The following KCNH3 variants were observed in gnomAD, a reference collection of about 807,000 sequenced individuals.
KCNH3 encodes potassium voltage-gated channel subfamily H member 3.
KCNH3 carries 36 observed loss-of-function variants against 95.6 expected under a neutral mutation model. That is an observed-to-expected ratio of 0.38 (90% CI 0.29 to 0.50). The LOEUF (loss-of-function observed/expected upper bound fraction) is 0.50, where lower values mean the gene tolerates loss of function less well. KCNH3 is among the 20% of genes least tolerant of loss of function. The pLI, the probability that KCNH3 is intolerant of heterozygous loss-of-function variation, is 0.95. For missense variants in KCNH3, 1,030 were observed against 1,484.1 expected, an observed-to-expected ratio of 0.69 and a Z score of 5.03; for synonymous variants, 620 against 646.3, an observed-to-expected ratio of 0.96 and a Z score of 0.62.
At position 49,544,015 on chromosome 12, in the gene KCNH3, G is replaced by A. The variant is rs1000470759; in HGVS notation, c.924G>A (p.Leu308=). Reference sequence around the variant, plus strand: ...TCCACTACGTCACCACCTGGTTCCTGCTGGATGTCATCGCAGCGCTGCCCT... The same window carrying A: ...TCCACTACGTCACCACCTGGTTCCTACTGGATGTCATCGCAGCGCTGCCCT... ...ICLHYVTTWF[L]LDVIAALPFD... The change falls in exon 6 of 15, where the codon CTG becomes CTA. Residue 308 remains leucine, a synonymous_variant. Coordinates refer to ENST00000257981, the MANE Select transcript of KCNH3 (RefSeq NM_012284.3). 3.1e-6 allele frequency: 5 copies of A among 1,613,830 alleles called. No individual in the cohort carries two copies. The highest frequency in any genetic ancestry group is 1.7e-5 in the Admixed American group (1 of 60,012).
At position 49,556,899 on chromosome 12, in the gene KCNH3, G is replaced by A. The variant is rs1715956228; in HGVS notation, c.2576-284G>A. ...AGTGGACAAGGTAATGAGCTCCTAGGAATGTCCATTTGCCTGGAGGACAGA... is the reference window on the plus strand; with the variant it reads ...AGTGGACAAGGTAATGAGCTCCTAGAAATGTCCATTTGCCTGGAGGACAGA... On this transcript the variant is annotated intron_variant, in intron 13 of 14. Coordinates refer to ENST00000257981, the MANE Select transcript of KCNH3 (RefSeq NM_012284.3). The A allele has an allele frequency of 2.1e-5, 13 of 611,998 alleles. No homozygotes were observed. The South Asian group carries it at 2.4e-4, about 11-fold the overall frequency. 37.9% of individuals were successfully genotyped at this position (611,998 alleles called of 1,614,324 possible).
chr12:49,553,714 A>T (rs7963130), intron 10 of KCNH3, among the ~76,000 whole-genome samples: 10,062 of 152,190 alleles, frequency 0.066, 729 homozygotes, highest in African/African-American at 0.18. Flanking sequence ...ACCTCCATTG[A>T]CCCCTTCTGG....
rs1938216489 is a variant in KCNH3, at chr12:49,550,283, T to C, written c.1872T>C (p.Ser624=). The C allele has an allele frequency of 6.2e-7, 1 of 1,609,798 alleles. No homozygotes were observed. The highest frequency in any genetic ancestry group is 1.7e-5 in the Admixed American group (1 of 60,022). ...TGCAGGCCCTCTACTTTGTCTGCTC[T>C]GGCTCCATGGAGGTGCTCAAGGGTG... ...DALQALYFVC[S]GSMEVLKGGT... The change falls in exon 10 of 15, where the codon TCT becomes TCC. Residue 624 remains serine (S), a synonymous_variant. Coordinates refer to ENST00000257981, the MANE Select transcript of KCNH3 (RefSeq NM_012284.3).
intron 8 of KCNH3, 114 bp downstream of exon 8, chr12:49,549,287 C>G: frequency 2.7e-6 from 4 of 1,460,658 alleles, no homozygotes; most frequent in African/African-American, 1.4e-5. Context: ...TTTAGGTGGC[C>G]GCGGAACCCG....
Position 49,555,972 on chromosome 12 carries a change from C to A in KCNH3, c.2468+21C>A, listed in dbSNP as rs371396234. 1.5e-4 allele frequency: 181 copies of A among 1,211,892 alleles called. No individual in the cohort carries two copies. In the African/African-American group the frequency reaches 2.3e-3, roughly 16 times the overall value. The allele number at this position is 1,211,892 out of a possible 1,614,324, so 75.1% of individuals were successfully genotyped here. A position where few individuals can be genotyped will look rare whatever the true frequency, so the allele number is the denominator to read the frequency against. On this transcript the variant is annotated intron_variant, in intron 12 of 14. Coordinates refer to ENST00000257981, the MANE Select transcript of KCNH3 (RefSeq NM_012284.3). The stretch of plus-strand genomic sequence containing the variant: ...CCCAGGTGAGCAGACCCTAGGCCCC[C>A]GTGGCAGAGATGGTGGTGATGAGGC...
rs757979756 is a variant in KCNH3, at chr12:49,555,648, A to G, written c.2165A>G (p.Asn722Ser). The G allele has an allele frequency of 6.4e-7, 1 of 1,568,344 alleles. No individual in the cohort carries two copies. ...GACACCAGCTCCCTGAGCGGCGACA[A>G]TACCCTTATGTCCACGCTGGAGGAG... ...EVDTSSLSGDNTLMSTLEEKE... is the reference protein window; with the variant it reads ...EVDTSSLSGDSTLMSTLEEKE... The change falls in exon 12 of 15, where the codon AAT (asparagine) becomes AGT (serine). Residue 722 changes from asparagine (N) to serine (S), a missense_variant. Coordinates refer to ENST00000257981, the MANE Select transcript of KCNH3 (RefSeq NM_012284.3).
In KCNH3 at chr12:49,549,423, C is replaced by T. The variant is rs1242032183; in HGVS notation, c.1469-18C>T. 6.2e-7 allele frequency: 1 copy of T among 1,612,102 alleles called. No individual in the cohort carries two copies. Among genetic ancestry groups the T allele is most frequent in the Non-Finnish European group, 8.5e-7 (1 of 1,179,024 alleles). On this transcript the variant is annotated intron_variant, in intron 8 of 14. Transcript: ENST00000257981. ...GGCCAGGTCCCCTAGGTGACCCCCT[C>T]TCGTCACCCTCCCCCAGCCCTGATG...
rs756703086 is a variant in KCNH3, at chr12:49,555,604, C to T, written c.2137-16C>T. 6 of 1,491,404 alleles carry T rather than the reference C, an allele frequency of 4.0e-6. No individual in the cohort carries two copies. The East Asian group carries it at 1.4e-4, about 34-fold the overall frequency. The allele number at this position is 1,491,404 out of a possible 1,614,324, so 92.4% of individuals were successfully genotyped here. A position where few individuals can be genotyped will look rare whatever the true frequency, so the allele number is the denominator to read the frequency against. ...GTGACCATCCATGCCGATTCCCTGTCCCTCACTATCCCTAGGTGGACACCA... is the reference window on the plus strand; with the variant it reads ...GTGACCATCCATGCCGATTCCCTGTTCCTCACTATCCCTAGGTGGACACCA... On this transcript the variant is annotated splice_polypyrimidine_tract_variant and intron_variant, in intron 11 of 14. Coordinates refer to ENST00000257981, the MANE Select transcript of KCNH3 (RefSeq NM_012284.3).
intron 13 of KCNH3, 192 bp downstream of exon 13, chr12:49,556,668 C>T (rs770340295): frequency 4.6e-5 from 32 of 700,498 alleles, no homozygotes; most frequent in South Asian, 1.5e-4. Flanking sequence ...TTAATTTCGA[C>T]GCAGCCAGGA....
At position 49,554,348 on chromosome 12, in the gene KCNH3, C is replaced by T; in HGVS notation, c.1930C>T (p.Leu644=). The change falls in exon 11 of 15, where the codon CTG becomes TTG. Residue 644 remains leucine (L), a synonymous_variant. Transcript: ENST00000257981. ...CTTCCTCTCCCCAGGGAAGGGCGAC[C>T]TGATCGGCTGTGAGCTGCCCCGGCG... ...TVLAILGKGD[L]IGCELPRREQ... The T allele has an allele frequency of 6.2e-7, 1 of 1,613,450 alleles. No individual in the cohort carries two copies. The highest frequency in any genetic ancestry group is 8.5e-7 in the Non-Finnish European group (1 of 1,180,006).
rs1327658927 is a variant in KCNH3, at chr12:49,544,780, T to G, written c.1189+398T>G. ...CCACCACCTTGGCTTCCAAGGCCCC[T>G]GCCTTTCTCTTGTCACCTCCAGTCC... On this transcript the variant is annotated intron_variant, in intron 7 of 14. Transcript: ENST00000257981. Among the ~76,000 whole-genome samples, 9 of 147,270 alleles carry G rather than the reference T, an allele frequency of 6.1e-5. No homozygotes were observed. The East Asian group carries it at 1.8e-3, about 30-fold the overall frequency.
At chr12:49,540,862 T>A in intron 1 of KCNH3, 37 bp from the exon 2 acceptor site, 1 of 1,561,812 alleles carries the variant, frequency 6.4e-7, no homozygotes, top group South Asian at 1.1e-5. Flanking sequence ...TCCTGCCCCT[T>A]CACCCCACGC....
chr12:49,545,403 C>CTTTT (rs869243854), intron 7 of KCNH3, among the ~76,000 whole-genome samples: 13 of 117,476 alleles, frequency 1.1e-4, no homozygotes, highest in Admixed American at 3.4e-4. Context: ...ATGCAGGTGG[C>CTTTT]TTTTTTTTTT....
intron 11 of KCNH3, 113 bp downstream of exon 11, chr12:49,554,667 A>G: frequency 1.1e-6 from 1 of 924,580 alleles, no homozygotes; most frequent in Non-Finnish European, 1.7e-6. Flanking sequence ...CTGGTATGAA[A>G]GCTCCCACCT....
intron 10 of KCNH3, among the ~76,000 whole-genome samples, chr12:49,553,402 C>T (rs1219170381): frequency 2.6e-5 from 4 of 152,202 alleles, no homozygotes; most frequent in Non-Finnish European, 5.9e-5. Flanking sequence ...CTGCCATGGC[C>T]TCCCAAAGTG....
chr12:49,550,043 T>TTCCCCCCCCCCC, intron 9 of KCNH3, 37 bp from the exon 10 acceptor site: 3 of 1,299,542 alleles, frequency 2.3e-6, no homozygotes, highest in Non-Finnish European at 3.2e-6. Flanking sequence ...CTTCTGCCAC[T>TTCCCCCCCCCCC]CCCAACCCCC....
At chr12:49,556,506 G>T (rs1364070400) in intron 13 of KCNH3, 30 bp downstream of exon 13, 2 of 1,501,158 alleles carry the variant, frequency 1.3e-6, no homozygotes, top group African/African-American at 2.8e-5. Context: ...GTCTAGGTTG[G>T]TGGGGCAGCC....
chr12:49,549,302 C>CG (rs996882067), intron 8 of KCNH3, 129 bp downstream of exon 8: 7 of 1,455,368 alleles, frequency 4.8e-6, no homozygotes, highest in East Asian at 2.3e-5. Context: ...AACCCGAGGC[C>CG]GGGGGTGGGG....
rs1169507652 is a variant in KCNH3, at chr12:49,550,250, C to T, written c.1839C>T (p.Gly613=). 13 of 1,609,870 alleles carry T rather than the reference C, an allele frequency of 8.1e-6. No individual in the cohort carries two copies. The highest frequency in any genetic ancestry group is 5.0e-5 in the Admixed American group (3 of 60,016). The change falls in exon 10 of 15, where the codon GGC becomes GGT. Residue 613 remains glycine (G), a synonymous_variant. Transcript: ENST00000257981. ...CTPGEYLIHQ[G]DALQALYFVC... The stretch of plus-strand genomic sequence containing the variant: ...CGGGCGAGTACCTCATCCACCAAGG[C>T]GATGCCCTGCAGGCCCTCTACTTTG...
Sources: allele counts gnomAD v4.1 joint callset (sites outside exome capture counted in the v4.1 genomes callset), GRCh38; gene constraint gnomAD v4.1.1; transcripts MANE v1.5; gene names NCBI Gene and HGNC (gene_info 2026-07-23, HGNC 2026-07-21).